The following EMSY variants were observed in gnomAD, a reference collection of about 807,000 sequenced individuals.
The protein encoded by EMSY is EMSY transcriptional repressor, BRCA2 interacting.
A neutral mutation model predicts 134.6 loss-of-function variants in EMSY; 26 were observed. The ratio of observed to expected loss-of-function variants is 0.19; its 90% CI spans 0.14 to 0.27. The LOEUF (loss-of-function observed/expected upper bound fraction) is 0.27, where lower values mean the gene tolerates loss of function less well. EMSY is among the 10% of genes least tolerant of loss of function. EMSY has a pLI of 1.00. For synonymous variants in EMSY, 579 were observed against 577.8 expected, an observed-to-expected ratio of 1.00 and a Z score of -0.03; for missense variants, 1,305 against 1,611.4, an observed-to-expected ratio of 0.81 and a Z score of 3.26.
In EMSY at chr11:76,529,582, A is replaced by C. The variant is rs897659640; in HGVS notation, c.2194+1116A>C. ...TAGATCTAGAATAGGGGATTTAAAA[A>C]ATACACATGCAACTCTAGTATAAGA... On this transcript the variant is annotated intron_variant, in intron 14 of 20. Transcript: ENST00000334736. Among the ~76,000 whole-genome samples the C allele has an allele frequency of 2.0e-5, 3 of 152,326 alleles. No individual in the cohort carries two copies. In the East Asian group the frequency reaches 5.8e-4, roughly 29 times the overall value.
intron 8 of EMSY, among the ~76,000 whole-genome samples, chr11:76,479,596 G>C (rs951265934): frequency 2.6e-5 from 4 of 152,144 alleles, no homozygotes; most frequent in Non-Finnish European, 4.4e-5. Context: ...ACCCCTGAGG[G>C]GTAATAGTGA....
At chr11:76,507,580 T>C (rs1590928260) in intron 9 of EMSY, among the ~76,000 whole-genome samples, 1 of 152,360 alleles carries the variant, frequency 6.6e-6, no homozygotes, top group African/African-American at 2.4e-5. Context: ...TGTTCATCCA[T>C]GAGAAGCAAC....
Position 76,453,585 on chromosome 11 carries a change from G to A in EMSY, c.245+197G>A, listed in dbSNP as rs73493465. ...TTTTTTTTTGCATTTGGTTAGGCAA[G>A]CTTTAAGTACTCAGGTCAAATCCTG... On this transcript the variant is annotated intron_variant, in intron 4 of 20. Transcript: ENST00000334736. The A allele has an allele frequency of 2.2e-3, 933 of 424,744 alleles. 6 individuals carry two copies. The highest frequency in any genetic ancestry group is 0.017 in the African/African-American group (852 of 48,798). The allele number at this position is 424,744 out of a possible 1,614,324, so 26.3% of individuals were successfully genotyped here. A position where few individuals can be genotyped will look rare whatever the true frequency, so the allele number is the denominator to read the frequency against.
intron 14 of EMSY, among the ~76,000 whole-genome samples, chr11:76,529,763 A>G (rs1950966327): frequency 6.6e-6 from 1 of 152,200 alleles, no homozygotes; most frequent in Non-Finnish European, 1.5e-5. Context: ...GTCCCTCATT[A>G]TAGAGAGTGG....
chr11:76,496,918 T>C (rs1045310038), intron 9 of EMSY: 16 of 279,382 alleles, frequency 5.7e-5, no homozygotes, highest in African/African-American at 3.2e-4. Flanking sequence ...GAACTTCCAA[T>C]ACTATGCTGA....
chr11:76,530,137 A>G (rs1194665643), intron 14 of EMSY, among the ~76,000 whole-genome samples: 2 of 145,144 alleles, frequency 1.4e-5, no homozygotes, highest in Non-Finnish European at 3.0e-5. Context: ...ATGCCATTTC[A>G]TTAGTTGAAT....
chr11:76,530,441 G>A (rs1413478182), intron 14 of EMSY, among the ~76,000 whole-genome samples: 8 of 152,134 alleles, frequency 5.3e-5, no homozygotes, highest in Non-Finnish European at 5.9e-5. Flanking sequence ...GATTATAGGC[G>A]TGAGCCACTG....
chr11:76,504,555 C>G (rs1170236625), intron 9 of EMSY, among the ~76,000 whole-genome samples: 1 of 152,052 alleles, frequency 6.6e-6, no homozygotes, highest in Non-Finnish European at 1.5e-5. Context: ...TGTAGAGAAA[C>G]AGGAATCCTC....
chr11:76,478,728 A>G (rs1948861988), intron 8 of EMSY, among the ~76,000 whole-genome samples: 1 of 151,480 alleles, frequency 6.6e-6, no homozygotes, highest in Admixed American at 6.6e-5. Context: ...CTTCGTTAAC[A>G]TTTTTCTATA....
intron 9 of EMSY, among the ~76,000 whole-genome samples, chr11:76,503,063 G>T (rs1321143352): frequency 6.6e-6 from 1 of 152,036 alleles, no homozygotes; most frequent in East Asian, 1.9e-4. Context: ...CACTTTGTGG[G>T]GCTGAGGCAG....
intron 13 of EMSY, among the ~76,000 whole-genome samples, chr11:76,527,908 TG>T (rs556807896): frequency 4.2e-4 from 64 of 152,248 alleles, no homozygotes; most frequent in African/African-American, 1.5e-3. Flanking sequence ...AAAATTCCAC[TG>T]GGAATCTAGA....
chr11:76,512,289 A>G (rs1180351496), intron 9 of EMSY, among the ~76,000 whole-genome samples: 1 of 152,058 alleles, frequency 6.6e-6, no homozygotes, highest in African/African-American at 2.4e-5. Context: ...TGGTGCTTGC[A>G]GCTGTAGCAT....
intron 4 of EMSY, chr11:76,454,064 CCTTT>C (rs1947777498): frequency 6.6e-6 from 1 of 151,884 alleles, no homozygotes; most frequent in African/African-American, 2.4e-5. Context: ...CAGAAAGTAG[CCTTT>C]AAATGTTTGT....
intron 4 of EMSY, chr11:76,453,975 G>A (rs1730763778): frequency 6.6e-6 from 1 of 152,176 alleles, no homozygotes; most frequent in Non-Finnish European, 1.5e-5. Context: ...GGGGTGGAGG[G>A]TGGTAGAGGA....
chr11:76,517,235 A>G (rs557420787), intron 11 of EMSY, among the ~76,000 whole-genome samples: 1 of 152,308 alleles, frequency 6.6e-6, no homozygotes, highest in Admixed American at 6.5e-5. Context: ...AAAGCAGAGC[A>G]TGATATTGGC....
At chr11:76,519,079 T>C (rs1345630210) in intron 11 of EMSY, among the ~76,000 whole-genome samples, 1 of 151,392 alleles carries the variant, frequency 6.6e-6, no homozygotes, top group Non-Finnish European at 1.5e-5. Flanking sequence ...TTTTTTTTTT[T>C]TTTGAGACAG....
intron 1 of EMSY, among the ~76,000 whole-genome samples, chr11:76,446,335 GTATATATATA>G (rs1565263091): frequency 1.1e-4 from 6 of 53,090 alleles, no homozygotes; most frequent in Admixed American, 3.1e-4. Context: ...ATATATATAT[GTATATATATA>G]TGTGTATATA....
At chr11:76,550,359 A>AC in exon 21 of EMSY, 1 of 326,990 alleles carries the variant, frequency 3.1e-6, no homozygotes, top group Non-Finnish European at 5.3e-6. Flanking sequence ...AAAATGAAAA[A>AC]GAAAAAAAAA....
At chr11:76,484,332 T>C (rs867104337) in intron 8 of EMSY, among the ~76,000 whole-genome samples, 1 of 152,022 alleles carries the variant, frequency 6.6e-6, no homozygotes, top group Non-Finnish European at 1.5e-5. Flanking sequence ...AACATCACAA[T>C]TAAAAGAACT....
Sources: gnomAD v4.1 joint callset for allele counts (sites outside exome capture counted in the v4.1 genomes callset) on GRCh38, gnomAD v4.1.1 for gene constraint, MANE v1.5 for transcripts, NCBI Gene and HGNC (gene_info 2026-07-23, HGNC 2026-07-21) for gene names.